The following DAG1 variants were observed in gnomAD, a reference collection of about 807,000 sequenced individuals.
DAG1 encodes the protein dystroglycan 1, also known as dystroglycan 1 (dystrophin-associated glycoprotein 1).
A neutral mutation model predicts 46.1 loss-of-function variants in DAG1; 8 were observed. That is an observed-to-expected ratio of 0.17 (90% CI 0.10 to 0.31). The LOEUF is 0.31. Ranked by LOEUF, DAG1 falls within the 10% of genes least tolerant of loss-of-function variation. The pLI, the probability that DAG1 is intolerant of heterozygous loss-of-function variation, is 1.00. For synonymous variants in DAG1, 495 were observed against 481.8 expected (o/e 1.03, Z -0.36); for missense variants, 1,003 against 1,189.9 (o/e 0.84, Z 2.31).
chr3:49,486,181 T>TTTTC (rs929859483), intron 1 of DAG1, among the ~76,000 whole-genome samples: 1 of 147,248 alleles, frequency 6.8e-6, no homozygotes, highest in Admixed American at 6.9e-5. Flanking sequence ...ACTATTTTCT[T>TTTTC]TTTCTTTTAT....
chr3:49,484,610 G>T (rs1317362158), intron 1 of DAG1, among the ~76,000 whole-genome samples: 1 of 152,170 alleles, frequency 6.6e-6, no homozygotes, highest in South Asian at 2.1e-4. Context: ...TGTGTGAGGG[G>T]GTGGAGGAAT....
intron 1 of DAG1, among the ~76,000 whole-genome samples, chr3:49,506,956 AAAATG>A (rs1017805989): frequency 6.6e-6 from 1 of 151,906 alleles, no homozygotes; most frequent in Non-Finnish European, 1.5e-5. Flanking sequence ...CTAAAAAAGA[AAAATG>A]AAAAAAAAAA....
intron 1 of DAG1, among the ~76,000 whole-genome samples, chr3:49,485,665 T>C (rs1313412954): frequency 3.5e-5 from 5 of 142,860 alleles, no homozygotes; most frequent in Non-Finnish European, 4.6e-5. Context: ...TTCTTTTTTT[T>C]TTTTTTTTTT....
chr3:49,504,324 C>T (rs2050538041), intron 1 of DAG1, among the ~76,000 whole-genome samples: 1 of 151,602 alleles, frequency 6.6e-6, no homozygotes, highest in Non-Finnish European at 1.5e-5. Context: ...TTGAGCGTAT[C>T]CATAGTTCAT....
At chr3:49,519,484 A>G (rs1482650022) in intron 2 of DAG1, among the ~76,000 whole-genome samples, 6 of 152,174 alleles carry the variant, frequency 3.9e-5, no homozygotes, top group Non-Finnish European at 1.5e-5. Context: ...TTGGCTAGGA[A>G]GGGGAGTTCA....
chr3:49,494,540 C>T (rs942220593), intron 1 of DAG1, among the ~76,000 whole-genome samples: 2 of 151,964 alleles, frequency 1.3e-5, no homozygotes, highest in Admixed American at 6.6e-5. Context: ...TTTAATCTTT[C>T]GTAGTGTAAT....
At chr3:49,503,896 A>T (rs924008365) in intron 1 of DAG1, among the ~76,000 whole-genome samples, 5 of 152,124 alleles carry the variant, frequency 3.3e-5, no homozygotes, top group Non-Finnish European at 5.9e-5. Context: ...TGTCAGATTT[A>T]AAATTCAAAT....
At chr3:49,486,186 T>TTTTATTTA (rs34143078) in intron 1 of DAG1, among the ~76,000 whole-genome samples, 1,777 of 145,204 alleles carry the variant, frequency 0.012, 19 homozygotes, top group South Asian at 0.023. Context: ...TTTCTTTTTC[T>TTTTATTTA]TTTATTTATT....
At chr3:49,474,079 G>A (rs891578137) in intron 1 of DAG1, among the ~76,000 whole-genome samples, 2 of 151,794 alleles carry the variant, frequency 1.3e-5, no homozygotes, top group African/African-American at 4.8e-5. Context: ...TTTTGAGACC[G>A]AGTCTTGCTC....
intron 1 of DAG1, among the ~76,000 whole-genome samples, chr3:49,487,692 C>CTTTTTTTT (rs10686005): frequency 1.7e-3 from 184 of 105,702 alleles, no homozygotes; most frequent in Non-Finnish European, 2.1e-3. Context: ...CCCATACATT[C>CTTTTTTTT]TTTTTTTTTT....
In DAG1 at chr3:49,532,651, C is replaced by T. The variant is rs751260925; in HGVS notation, c.2140C>T (p.Arg714Trp). Residue 714 changes from arginine (R) to tryptophan (W), a missense_variant, in exon 3 of 3, where the codon CGG becomes TGG. Physicochemically the swap from Arg to Trp is moderately radical, Grantham distance 101. Around this residue, in one of 3 missense-constraint regions of DAG1, gnomAD observed 755 missense variants for 854.1 expected, o/e 0.88. Transcript: ENST00000308775. The surrounding 1 kb of genome is among the most constrained non-coding windows in gnomAD (Gnocchi z 5.4). Reference sequence around the variant, plus strand: ...CACTGTGACGGGCTCTGGCAGTTGTCGGCACCTACAGTTTATCCCTGTGGT... The same window carrying T: ...CACTGTGACGGGCTCTGGCAGTTGTTGGCACCTACAGTTTATCCCTGTGGT... ...SITVTGSGSC[R>W]HLQFIPVVPP... 35 of 1,613,952 alleles carry T rather than the reference C, an allele frequency of 2.2e-5. 1 individual carries two copies. Among genetic ancestry groups the T allele is most frequent in the South Asian group, 4.4e-5 (4 of 91,080 alleles).
chr3:49,511,198 TATAA>T (rs757488494), intron 2 of DAG1, among the ~76,000 whole-genome samples: 1 of 152,218 alleles, frequency 6.6e-6, no homozygotes, highest in African/African-American at 2.4e-5. Context: ...TAAAATAAGA[TATAA>T]ATAAATATAG....
chr3:49,499,667 C>T (rs895811379), intron 1 of DAG1, among the ~76,000 whole-genome samples: 1 of 152,102 alleles, frequency 6.6e-6, no homozygotes, highest in African/African-American at 2.4e-5. Context: ...GTCATAAGGG[C>T]CTGGCTCCTC....
chr3:49,490,098 A>G (rs971095575), intron 1 of DAG1, among the ~76,000 whole-genome samples: 3 of 152,158 alleles, frequency 2.0e-5, no homozygotes, highest in African/African-American at 7.2e-5. Context: ...TTACGCCTGT[A>G]ATCCCAGCAC....
upstream of DAG1, among the ~76,000 whole-genome samples, chr3:49,469,555 G>C (rs542074164): frequency 5.5e-4 from 83 of 152,286 alleles, no homozygotes; most frequent in Non-Finnish European, 1.1e-3. Flanking sequence ...TTGGGCAGGA[G>C]AGCAGGCGTC....
chr3:49,500,453 T>C (rs1309623229), intron 1 of DAG1, among the ~76,000 whole-genome samples: 1 of 152,176 alleles, frequency 6.6e-6, no homozygotes, highest in Non-Finnish European at 1.5e-5. Context: ...AGGGTGTTTA[T>C]CTGCAGTGAG....
At chr3:49,475,330 C>G (rs1481134348) in intron 1 of DAG1, among the ~76,000 whole-genome samples, 1 of 151,216 alleles carries the variant, frequency 6.6e-6, no homozygotes. Flanking sequence ...TATCAAACTC[C>G]CGACCTCAAG....
intron 2 of DAG1, among the ~76,000 whole-genome samples, chr3:49,522,381 G>A (rs1158284714): frequency 6.6e-6 from 1 of 151,956 alleles, no homozygotes; most frequent in African/African-American, 2.4e-5. Flanking sequence ...TGGCCAGGCT[G>A]CTCTTGAACT....
chr3:49,469,288 T>C (rs1450465457), upstream of DAG1, among the ~76,000 whole-genome samples: 1 of 152,144 alleles, frequency 6.6e-6, no homozygotes, highest in East Asian at 1.9e-4. Context: ...ATCCTGCGCA[T>C]GGTGTGGGGA....
Sources: gnomAD v4.1 joint callset for allele counts (sites outside exome capture counted in the v4.1 genomes callset) on GRCh38, gnomAD v4.1.1 for gene constraint, gnomAD v4.1.1 regional missense constraint, Gnocchi (gnomAD v3.1) non-coding constraint, MANE v1.5 for transcripts, NCBI Gene and HGNC (gene_info 2026-07-23, HGNC 2026-07-21) for gene names.